MEGF10: variants seen among roughly 807,000 people sequenced by gnomAD.
The protein encoded by MEGF10 is multiple EGF like domains 10.
MEGF10 carries 86 observed loss-of-function variants against 147.5 expected under a neutral mutation model. The observed-to-expected ratio is 0.58, with a 90% CI of 0.49 to 0.70. MEGF10 has a LOEUF of 0.70. Ranked by LOEUF, MEGF10 falls within the 30% of genes least tolerant of loss-of-function variation. The pLI, the probability that MEGF10 is intolerant of heterozygous loss-of-function variation, is 0.00. For missense variants in MEGF10, 1,329 were observed against 1,487.3 expected (o/e 0.89, Z 1.75); for synonymous variants, 478 against 525.5 (o/e 0.91, Z 1.24).
At chr5:127,307,834 A>T (rs1043081921) in intron 1 of MEGF10, among the ~76,000 whole-genome samples, 2 of 152,238 alleles carry the variant, frequency 1.3e-5, no homozygotes, top group Admixed American at 1.3e-4. Context: ...TCTGTTTGCC[A>T]AGAGACCCTG....
intron 1 of MEGF10, among the ~76,000 whole-genome samples, chr5:127,300,730 G>T (rs1197421948): frequency 6.6e-6 from 1 of 152,178 alleles, no homozygotes; most frequent in Non-Finnish European, 1.5e-5. Flanking sequence ...GTGCAGCTGG[G>T]AGGGCCTAGA....
At chr5:127,429,635 T>C (rs904329342) in intron 13 of MEGF10, among the ~76,000 whole-genome samples, 3 of 152,192 alleles carry the variant, frequency 2.0e-5, no homozygotes, top group African/African-American at 7.2e-5. Context: ...GGAGTCTTCA[T>C]CTGCATTTTC....
chr5:127,413,872 A>G (rs1355344244), intron 9 of MEGF10, among the ~76,000 whole-genome samples: 5 of 152,188 alleles, frequency 3.3e-5, no homozygotes, highest in Admixed American at 1.3e-4. Flanking sequence ...TTGAATATCA[A>G]TTTCTCAGCC....
intron 8 of MEGF10, among the ~76,000 whole-genome samples, chr5:127,404,026 C>G (rs1764230757): frequency 1.3e-5 from 2 of 152,164 alleles, no homozygotes; most frequent in South Asian, 4.1e-4. Flanking sequence ...AAACTGTTCT[C>G]CATAGTGGTT....
chr5:127,421,478 G>C (rs749132468), intron 12 of MEGF10, among the ~76,000 whole-genome samples: 1 of 152,218 alleles, frequency 6.6e-6, no homozygotes, highest in Admixed American at 6.5e-5. Flanking sequence ...GGGAAGGCTT[G>C]TAGTGCCTCC....
intron 5 of MEGF10, among the ~76,000 whole-genome samples, chr5:127,384,939 C>T (rs1354440701): frequency 6.6e-6 from 1 of 152,156 alleles, no homozygotes; most frequent in African/African-American, 2.4e-5. Flanking sequence ...CCTTGTTAGC[C>T]TGAAGCGCAA....
the MEGF10 span, among the ~76,000 whole-genome samples, chr5:127,234,200 G>T: frequency 6.6e-6 from 1 of 152,144 alleles, no homozygotes; most frequent in Non-Finnish European, 1.5e-5. Flanking sequence ...CCAACACGAT[G>T]TATCTAGGAA....
At chr5:127,408,261 A>G (rs906155526) in intron 8 of MEGF10, among the ~76,000 whole-genome samples, 3 of 152,224 alleles carry the variant, frequency 2.0e-5, no homozygotes, top group African/African-American at 7.2e-5. Flanking sequence ...AATAATGAAG[A>G]TAGTTTAAAA....
chr5:127,306,143 C>T (rs1242198149), intron 1 of MEGF10, among the ~76,000 whole-genome samples: 1 of 152,144 alleles, frequency 6.6e-6, no homozygotes, highest in South Asian at 2.1e-4. Context: ...CATTTCTTGG[C>T]CAGGTTGTGC....
chr5:127,348,329 G>A (rs1426652584), intron 4 of MEGF10, among the ~76,000 whole-genome samples: 4 of 151,984 alleles, frequency 2.6e-5, no homozygotes, highest in Non-Finnish European at 5.9e-5. Context: ...GAAAAAGCCT[G>A]CCTTCTTTTT....
At chr5:127,402,829 G>A in intron 8 of MEGF10, 147 bp downstream of exon 8, 1 of 706,382 alleles carries the variant, frequency 1.4e-6, no homozygotes, top group Non-Finnish European at 2.2e-6. Context: ...GTGTTTGACA[G>A]ATTCTATCTT....
At chr5:127,424,471 C>T in intron 13 of MEGF10, 1 of 1,363,460 alleles carries the variant, frequency 7.3e-7, no homozygotes, top group Non-Finnish European at 9.9e-7. Context: ...ATACTGTCCA[C>T]TTAACAATAT....
At chr5:127,238,883 T>A in the MEGF10 span, among the ~76,000 whole-genome samples, 1 of 149,970 alleles carries the variant, frequency 6.7e-6, no homozygotes, top group Admixed American at 6.6e-5. Context: ...TCCACAGTAA[T>A]GGATTATGTC....
chr5:127,334,789 C>T (rs962391098), intron 2 of MEGF10, among the ~76,000 whole-genome samples: 1 of 152,046 alleles, frequency 6.6e-6, no homozygotes, highest in Non-Finnish European at 1.5e-5. Context: ...ACACTTTGAC[C>T]AAACCTTCAA....
At chr5:127,453,042 A>C (rs1177662994) in intron 22 of MEGF10, among the ~76,000 whole-genome samples, 1 of 152,110 alleles carries the variant, frequency 6.6e-6, no homozygotes, top group Non-Finnish European at 1.5e-5. Context: ...GTGTGTGCTT[A>C]CTCAGTGATC....
At chr5:127,367,874 C>T (rs777898466) in intron 4 of MEGF10, among the ~76,000 whole-genome samples, 5 of 152,260 alleles carry the variant, frequency 3.3e-5, no homozygotes, top group Admixed American at 6.5e-5. Flanking sequence ...CCAGAGCTCT[C>T]ACTGGTGGGA....
the MEGF10 span, among the ~76,000 whole-genome samples, chr5:127,282,303 T>C: frequency 6.6e-6 from 1 of 152,124 alleles, no homozygotes; most frequent in Non-Finnish European, 1.5e-5. Context: ...AGTTTCTTAG[T>C]TTTTTCCTAT....
intron 5 of MEGF10, among the ~76,000 whole-genome samples, chr5:127,383,157 C>A (rs1763316398): frequency 6.6e-6 from 1 of 152,064 alleles, no homozygotes; most frequent in African/African-American, 2.4e-5. Flanking sequence ...TTATTTGCAT[C>A]TTTTTAACAG....
At chr5:127,380,602 C>T (rs749534415) in intron 5 of MEGF10, among the ~76,000 whole-genome samples, 27 of 152,058 alleles carry the variant, frequency 1.8e-4, no homozygotes, top group Admixed American at 3.9e-4. Flanking sequence ...ACTGCAACCC[C>T]CGCCTCCTGG....
Sources: allele counts gnomAD v4.1 joint callset (sites outside exome capture counted in the v4.1 genomes callset), GRCh38; gene constraint gnomAD v4.1.1; transcripts MANE v1.5; gene names NCBI Gene and HGNC (gene_info 2026-07-23, HGNC 2026-07-21).